Variants in FNIP2 observed in about 807,000 individuals in gnomAD.
The protein encoded by FNIP2 is folliculin interacting protein 2.
A neutral mutation model predicts 108.7 loss-of-function variants in FNIP2; 32 were observed. The ratio of observed to expected loss-of-function variants is 0.29; its 90% CI spans 0.22 to 0.40. The LOEUF (loss-of-function observed/expected upper bound fraction) is 0.40. Ranked by LOEUF, FNIP2 falls within the 10% of genes least tolerant of loss-of-function variation. The probability of loss-of-function intolerance (pLI) is 1.00; values close to 1 mark genes in which losing one functional copy is unlikely to be tolerated. For missense variants in FNIP2, 1,202 were observed against 1,381.6 expected, an observed-to-expected ratio of 0.87 and a Z score of 2.06; for synonymous variants, 480 against 496.7, an observed-to-expected ratio of 0.97 and a Z score of 0.45.
At chr4:158,877,946 C>G (rs926673214) in intron 14 of FNIP2, among the ~76,000 whole-genome samples, 1 of 151,840 alleles carries the variant, frequency 6.6e-6, no homozygotes, top group African/African-American at 2.4e-5. Flanking sequence ...TCTCCTCCCC[C>G]ACCCCCCCTC....
intron 7 of FNIP2, chr4:158,835,748 C>T: frequency 3.7e-6 from 1 of 269,308 alleles, no homozygotes; most frequent in Non-Finnish European, 7.4e-6. Flanking sequence ...TCCTTGAGCC[C>T]ATTGTACTAG....
rs1213463645 is a variant in FNIP2, at chr4:158,829,197, A to C, written c.353A>C (p.His118Pro). 1.2e-6 allele frequency: 2 copies of C among 1,612,614 alleles called. No individual in the cohort carries two copies. The highest frequency in any genetic ancestry group is 1.7e-5 in the Admixed American group (1 of 59,864). Reference protein sequence around the residue: ...SHSSSGGSSHHAKEQLPKYQY... With the variant: ...SHSSSGGSSHPAKEQLPKYQY... ...AGTTCTTCTGGGGGATCTTCACATC[A>C]TGCTAAGGAACAGCTTCCAAAGTAC... The change falls in exon 3 of 17, where the codon CAT (histidine) becomes CCT (proline). Residue 118 changes from histidine to proline, a missense_variant. By Grantham distance (77) the His-to-Pro change is moderately conservative. Transcript: ENST00000264433.
chr4:158,857,680 C>T (rs201124374), intron 8 of FNIP2, among the ~76,000 whole-genome samples: 1 of 151,740 alleles, frequency 6.6e-6, no homozygotes, highest in East Asian at 1.9e-4. Flanking sequence ...CAGTGGCTCA[C>T]GGCTGTAATC....
At chr4:158,894,871 T>C (rs1479963659) in intron 15 of FNIP2, among the ~76,000 whole-genome samples, 1 of 152,198 alleles carries the variant, frequency 6.6e-6, no homozygotes, top group Non-Finnish European at 1.5e-5. Context: ...AGATATTTTT[T>C]CCATGTCGTT....
chr4:158,804,995 A>C (rs1323797670), intron 1 of FNIP2, among the ~76,000 whole-genome samples: 1 of 152,146 alleles, frequency 6.6e-6, no homozygotes, highest in Non-Finnish European at 1.5e-5. Flanking sequence ...TTTTGAAGGA[A>C]TTTTAGGGAT....
intron 9 of FNIP2, 136 bp from the exon 10 acceptor site, chr4:158,859,442 C>A (rs1038739785): frequency 5.8e-6 from 6 of 1,030,294 alleles, no homozygotes; most frequent in Non-Finnish European, 7.1e-6. Context: ...AAGGAAATGA[C>A]TGCTTTTTCG....
At chr4:158,822,057 C>T (rs1290018934) in intron 1 of FNIP2, among the ~76,000 whole-genome samples, 2 of 152,086 alleles carry the variant, frequency 1.3e-5, no homozygotes, top group Non-Finnish European at 2.9e-5. Flanking sequence ...CACTGCACTC[C>T]AGCCTGGGCA....
At chr4:158,890,512 A>G (rs1354774699) in intron 14 of FNIP2, among the ~76,000 whole-genome samples, 1 of 152,208 alleles carries the variant, frequency 6.6e-6, no homozygotes, top group Non-Finnish European at 1.5e-5. Flanking sequence ...TGCATCATGC[A>G]TCTTTGATTT....
intron 2 of FNIP2, among the ~76,000 whole-genome samples, chr4:158,827,781 G>A (rs1050532700): frequency 6.6e-6 from 1 of 152,168 alleles, no homozygotes; most frequent in Non-Finnish European, 1.5e-5. Flanking sequence ...TTGTGGTCCA[G>A]CACATTTTGT....
Position 158,851,444 on chromosome 4 carries a change from C to T in FNIP2, c.851C>T (p.Pro284Leu). 6.2e-7 allele frequency: 1 copy of T among 1,613,816 alleles called. No individual in the cohort carries two copies. Among genetic ancestry groups the T allele is most frequent in the Non-Finnish European group, 8.5e-7 (1 of 1,179,816 alleles). The change falls in exon 8 of 17, where the codon CCA (proline) becomes CTA (leucine). Residue 284 changes from proline to leucine, a missense_variant. Around this residue, in one of 5 missense-constraint regions of FNIP2, gnomAD observed 878 missense variants for 990.3 expected, o/e 0.89. Coordinates refer to ENST00000264433, the MANE Select transcript of FNIP2 (RefSeq NM_020840.3). The stretch of plus-strand genomic sequence containing the variant: ...ACAAGTTTGGAAAATGGCATCATCC[C>T]AAGAAGGTGAGTTGCAAGTTTCCTC... The part of the protein sequence containing the change: ...QTTSLENGII[P>L]RRSTDETFSL...
chr4:158,791,094 T>A (rs945396263), intron 1 of FNIP2, among the ~76,000 whole-genome samples: 3 of 149,396 alleles, frequency 2.0e-5, no homozygotes, highest in East Asian at 3.9e-4. Flanking sequence ...ACAAGGGAGG[T>A]GGAGGAGGGG....
intron 1 of FNIP2, among the ~76,000 whole-genome samples, chr4:158,822,559 A>G (rs943551749): frequency 5.3e-5 from 8 of 152,078 alleles, no homozygotes; most frequent in African/African-American, 1.7e-4. Context: ...GTGCAGTGGT[A>G]TGATCATGGC....
Position 158,771,433 on chromosome 4 carries a change from A to G in FNIP2, c.107+2114A>G, listed in dbSNP as rs75194593. On this transcript the variant is annotated intron_variant, in intron 1 of 16. Coordinates refer to ENST00000264433, the MANE Select transcript of FNIP2 (RefSeq NM_020840.3). ...AGCTTCCAGGAAAATTTTTCTCTCT[A>G]CCTAAAAAATTGTGAACCTGTGTTT... Among the ~76,000 whole-genome samples, 956 of 152,252 alleles carry G rather than the reference A, an allele frequency of 6.3e-3. 6 individuals carry two copies. The highest frequency in any genetic ancestry group is 0.021 in the African/African-American group (884 of 41,550).
At chr4:158,794,335 T>G (rs985637682) in intron 1 of FNIP2, among the ~76,000 whole-genome samples, 1 of 151,820 alleles carries the variant, frequency 6.6e-6, no homozygotes, top group African/African-American at 2.4e-5. Context: ...AAAATTTTTT[T>G]TGTAGACACA....
At chr4:158,790,304 T>C (rs1382535471) in intron 1 of FNIP2, among the ~76,000 whole-genome samples, 1 of 151,676 alleles carries the variant, frequency 6.6e-6, no homozygotes, top group Non-Finnish European at 1.5e-5. Context: ...GATCCTATAC[T>C]AAACTATAGG....
chr4:158,900,690 A>C (rs747382681), intron 16 of FNIP2, among the ~76,000 whole-genome samples: 10 of 151,992 alleles, frequency 6.6e-5, no homozygotes, highest in Non-Finnish European at 1.5e-4. Context: ...TTGCTTGTAG[A>C]TCTTCCTCCA....
intron 1 of FNIP2, among the ~76,000 whole-genome samples, chr4:158,771,291 G>A (rs1051882440): frequency 1.3e-5 from 2 of 152,204 alleles, no homozygotes; most frequent in East Asian, 3.8e-4. Flanking sequence ...GATGCTGGAC[G>A]ATGGGAACAA....
At chr4:158,885,111 G>A (rs1781955056) in intron 14 of FNIP2, among the ~76,000 whole-genome samples, 1 of 152,052 alleles carries the variant, frequency 6.6e-6, no homozygotes, top group Non-Finnish European at 1.5e-5. Context: ...AGCCGAGATT[G>A]TGCCACTGCA....
chr4:158,896,531 A>G (rs1453038746), intron 16 of FNIP2, among the ~76,000 whole-genome samples: 1 of 152,210 alleles, frequency 6.6e-6, no homozygotes, highest in Non-Finnish European at 1.5e-5. Context: ...CATGATGATG[A>G]TTCCCCTCAC....
Sources: allele counts gnomAD v4.1 joint callset (sites outside exome capture counted in the v4.1 genomes callset), GRCh38; gene constraint gnomAD v4.1.1; regional missense constraint gnomAD v4.1.1; transcripts MANE v1.5; gene names NCBI Gene and HGNC (gene_info 2026-07-23, HGNC 2026-07-21).